SLC31A2: variants seen among roughly 807,000 people sequenced by gnomAD.
SLC31A2 encodes the protein protein SLC31A2.
A neutral mutation model predicts 14.4 loss-of-function variants in SLC31A2; 16 were observed. The observed-to-expected ratio is 1.11, with a 90% CI of 0.75 to 1.69. The LOEUF (loss-of-function observed/expected upper bound fraction) is 1.69. SLC31A2 is among the 40% of genes most tolerant of loss of function. The pLI is 0.00. For synonymous variants in SLC31A2, 56 were observed against 68.7 expected (o/e 0.82, Z 0.91); for missense variants, 140 against 173.9 (o/e 0.81, Z 1.10).
intron 2 of SLC31A2, 125 bp downstream of exon 2, chr9:113,157,918 GAGCA>G: frequency 1.3e-6 from 1 of 744,814 alleles, no homozygotes; most frequent in Non-Finnish European, 2.4e-6. Flanking sequence ...CATAAACACT[GAGCA>G]GGAACTTCAC....
chr9:113,160,776 C>A (rs1189371902), intron 2 of SLC31A2, among the ~76,000 whole-genome samples: 1 of 152,124 alleles, frequency 6.6e-6, no homozygotes, highest in African/African-American at 2.4e-5. Flanking sequence ...CATCCAGGAG[C>A]CTCAGCCATC....
At position 113,162,666 on chromosome 9, in the gene SLC31A2, G is replaced by C. The variant is rs977982652; in HGVS notation, c.264-83G>C. 8 of 1,319,610 alleles carry C rather than the reference G, an allele frequency of 6.1e-6. No homozygotes were observed. In the Admixed American group the frequency reaches 7.8e-5, roughly 13 times the overall value. 81.7% of individuals were successfully genotyped at this position (1,319,610 alleles called of 1,614,324 possible). A position where few individuals can be genotyped will look rare whatever the true frequency, so the allele number is the denominator to read the frequency against. ...ATCAATCGGGTCACGTAACTCAACA[G>C]CTTTCTACTCCCTGATATCTACTCC... On this transcript the variant is annotated intron_variant, in intron 3 of 3. Transcript: ENST00000259392.
In SLC31A2 at chr9:113,151,230, G is replaced by A. The variant is rs1829858916; in HGVS notation, c.6+150G>A. 1.2e-6 allele frequency: 1 copy of A among 839,498 alleles called. No individual in the cohort carries two copies. The highest frequency in any genetic ancestry group is 4.3e-5 in the Admixed American group (1 of 23,236). The allele number at this position is 839,498 out of a possible 1,614,324, so 52.0% of individuals were successfully genotyped here. A position where few individuals can be genotyped will look rare whatever the true frequency, so the allele number is the denominator to read the frequency against. ...ATTGCCAACAGCTGGAACAGGGTTG[G>A]GGGACGCGGCAGGTATAGGTTGCGG... On this transcript the variant is annotated intron_variant, in intron 1 of 3. Coordinates refer to ENST00000259392, the MANE Select transcript of SLC31A2 (RefSeq NM_001860.3). The surrounding 1 kb of genome is among the most constrained non-coding windows in gnomAD (Gnocchi z 4.2).
At chr9:113,157,990 A>C (rs530688841) in intron 2 of SLC31A2, 197 bp downstream of exon 2, 34 of 668,932 alleles carry the variant, frequency 5.1e-5, no homozygotes, top group South Asian at 2.7e-4. Context: ...CCATTATCTT[A>C]CTGATCCTCA....
chr9:113,161,130 T>C (rs1020251059), intron 2 of SLC31A2: 2 of 185,292 alleles, frequency 1.1e-5, no homozygotes, highest in African/African-American at 4.8e-5. Flanking sequence ...GAGATAACTA[T>C]TACTCTTGTG....
At position 113,151,069 on chromosome 9, in the gene SLC31A2, C is replaced by G. The variant is rs1287434540; in HGVS notation, c.-6C>G. On this transcript the variant is annotated 5_prime_UTR_variant, in exon 1 of 4. Coordinates refer to ENST00000259392, the MANE Select transcript of SLC31A2 (RefSeq NM_001860.3). The surrounding 1 kb of genome is among the most constrained non-coding windows in gnomAD (Gnocchi z 4.2). ...GCGGCCCTGGCGCCCGCCCTGCGCA[C>G]TCACCATGGCGGTAAGGGCCGGGCG... 7.7e-7 allele frequency: 1 copy of G among 1,307,116 alleles called. No homozygotes were observed. Among genetic ancestry groups the G allele is most frequent in the Non-Finnish European group, 9.8e-7 (1 of 1,020,244 alleles). 81.0% of individuals were successfully genotyped at this position (1,307,116 alleles called of 1,614,324 possible). A position where few individuals can be genotyped will look rare whatever the true frequency, so the allele number is the denominator to read the frequency against.
chr9:113,157,966 G>A, intron 2 of SLC31A2, 173 bp downstream of exon 2: 2 of 690,732 alleles, frequency 2.9e-6, no homozygotes, highest in South Asian at 3.0e-5. Context: ...CTCCCCTTCA[G>A]ATCGCAAAGG....
intron 1 of SLC31A2, among the ~76,000 whole-genome samples, chr9:113,153,108 T>A (rs1319637909): frequency 7.1e-6 from 1 of 141,266 alleles, no homozygotes; most frequent in Non-Finnish European, 1.5e-5. Flanking sequence ...AACATTTTGC[T>A]GTGTCAAAAT....
At position 113,151,196 on chromosome 9, in the gene SLC31A2, G is replaced by C. The variant is rs1829858531; in HGVS notation, c.6+116G>C. 5 of 1,105,542 alleles carry C rather than the reference G, an allele frequency of 4.5e-6. No individual in the cohort carries two copies. The highest frequency in any genetic ancestry group is 5.8e-6 in the Non-Finnish European group (5 of 856,920). The allele number at this position is 1,105,542 out of a possible 1,614,324, so 68.5% of individuals were successfully genotyped here. A position where few individuals can be genotyped will look rare whatever the true frequency, so the allele number is the denominator to read the frequency against. On this transcript the variant is annotated intron_variant, in intron 1 of 3. Coordinates refer to ENST00000259392, the MANE Select transcript of SLC31A2 (RefSeq NM_001860.3). This position sits in a 1 kb window ranked among gnomAD's most constrained non-coding sequence, Gnocchi z 4.2. ...CTGGCCCGGGGCTGGTGAAGGGTGTGTTGGCAGCATTGCCAACAGCTGGAA... is the reference window on the plus strand; with the variant it reads ...CTGGCCCGGGGCTGGTGAAGGGTGTCTTGGCAGCATTGCCAACAGCTGGAA...
chr9:113,155,210 C>T (rs1402208148), intron 1 of SLC31A2, among the ~76,000 whole-genome samples: 2 of 152,200 alleles, frequency 1.3e-5, no homozygotes, highest in Non-Finnish European at 2.9e-5. Context: ...CTGATGCTGC[C>T]ACCAACTCAC....
At chr9:113,160,600 T>C (rs1176514481) in intron 2 of SLC31A2, among the ~76,000 whole-genome samples, 1 of 152,212 alleles carries the variant, frequency 6.6e-6, no homozygotes, top group Admixed American at 6.5e-5. Flanking sequence ...CTAAACTGCA[T>C]TCTTTTGGGT....
intron 2 of SLC31A2, among the ~76,000 whole-genome samples, chr9:113,159,657 C>G (rs993050286): frequency 7.9e-5 from 12 of 152,168 alleles, no homozygotes; most frequent in African/African-American, 2.7e-4. Context: ...AGCTGGGTGT[C>G]CTACAACTCA....
intron 2 of SLC31A2, 65 bp downstream of exon 2, chr9:113,157,858 T>G (rs780386864): frequency 8.2e-6 from 10 of 1,225,502 alleles, no homozygotes; most frequent in African/African-American, 1.5e-5. Context: ...AGGGAGAATC[T>G]GGGTTCTCTT....
At chr9:113,153,599 TA>T (rs1314029573) in intron 1 of SLC31A2, among the ~76,000 whole-genome samples, 2 of 152,168 alleles carry the variant, frequency 1.3e-5, no homozygotes, top group Admixed American at 1.3e-4. Flanking sequence ...AGGTTAATAA[TA>T]GTAGGCACCT....
In SLC31A2 at chr9:113,161,715, T is replaced by C; in HGVS notation, c.263+17T>C. On this transcript the variant is annotated intron_variant, in intron 3 of 3. Transcript: ENST00000259392. ...CCACCACAGGTACAGGCAGTGGGTATGGGAAAGGGGCAGAAGCCTCACATT... is the reference window on the plus strand; with the variant it reads ...CCACCACAGGTACAGGCAGTGGGTACGGGAAAGGGGCAGAAGCCTCACATT... The C allele has an allele frequency of 3.1e-6, 5 of 1,612,310 alleles. No homozygotes were observed. Among genetic ancestry groups the C allele is most frequent in the Non-Finnish European group, 4.2e-6 (5 of 1,178,698 alleles).
chr9:113,155,841 A>G lies in SLC31A2; in HGVS notation c.7-1886A>G, dbSNP rs115122537. ...TGTCACTTTGTGTGGATGGCTTTGC[A>G]GAGTTTTCCCCCAGCTCCCCTCGGA... is the stretch of plus-strand genomic sequence containing the variant. On this transcript the variant is annotated intron_variant, in intron 1 of 3. Coordinates refer to ENST00000259392, the MANE Select transcript of SLC31A2 (RefSeq NM_001860.3). Among the ~76,000 whole-genome samples the G allele has an allele frequency of 2.1e-3, 324 of 152,302 alleles. 1 individual carries two copies. The highest frequency in any genetic ancestry group is 7.5e-3 in the African/African-American group (310 of 41,556).
chr9:113,157,845 G>GCTTT, intron 2 of SLC31A2, 52 bp downstream of exon 2: 3 of 1,398,484 alleles, frequency 2.1e-6, no homozygotes, highest in Non-Finnish European at 2.0e-6. Flanking sequence ...GTAGTACTAG[G>GCTTT]CAAGGGAGAA....
chr9:113,155,141 G>A (rs1484299363), intron 1 of SLC31A2, among the ~76,000 whole-genome samples: 1 of 152,170 alleles, frequency 6.6e-6, no homozygotes, highest in Non-Finnish European at 1.5e-5. Flanking sequence ...TCTCTGTGTT[G>A]TAGCATCTGT....
chr9:113,157,873 C>A, intron 2 of SLC31A2, 80 bp downstream of exon 2: 1 of 1,070,022 alleles, frequency 9.3e-7, no homozygotes, highest in Non-Finnish European at 1.4e-6. Context: ...TCTCTTGATT[C>A]TCTGTGGGCA....
Sources: allele counts gnomAD v4.1 joint callset (sites outside exome capture counted in the v4.1 genomes callset), GRCh38; gene constraint gnomAD v4.1.1; non-coding constraint Gnocchi (gnomAD v3.1); transcripts MANE v1.5; gene names NCBI Gene and HGNC (gene_info 2026-07-23, HGNC 2026-07-21).